Variants in USP13 observed in about 807,000 individuals in gnomAD.
The protein encoded by USP13 is ubiquitin carboxyl-terminal hydrolase 13.
USP13 carries 68 observed loss-of-function variants against 107.8 expected under a neutral mutation model. The observed-to-expected ratio is 0.63, with a 90% CI of 0.52 to 0.77. The LOEUF is 0.77. Among genes scored for constraint, USP13 ranks in the 30% least tolerant of loss-of-function variants. The pLI is 0.00. For synonymous variants in USP13, 377 were observed against 389.5 expected (o/e 0.97, Z 0.38); for missense variants, 945 against 1,093.3 (o/e 0.86, Z 1.91).
intron 3 of USP13, among the ~76,000 whole-genome samples, chr3:179,690,814 T>C (rs1712090528): frequency 6.6e-6 from 1 of 152,170 alleles, no homozygotes; most frequent in Non-Finnish European, 1.5e-5. Flanking sequence ...GCTCAAGCGA[T>C]CCAACTGCCT....
At chr3:179,675,174 C>CAA (rs749528708) in intron 1 of USP13, among the ~76,000 whole-genome samples, 1 of 128,772 alleles carries the variant, frequency 7.8e-6, no homozygotes, top group Non-Finnish European at 1.7e-5. Flanking sequence ...CACTCCATCT[C>CAA]AAAAAAAAAA....
chr3:179,658,562 A>T (rs1164087280), intron 1 of USP13, among the ~76,000 whole-genome samples: 1 of 152,216 alleles, frequency 6.6e-6, no homozygotes, highest in African/African-American at 2.4e-5. Context: ...ACAGAAGTGG[A>T]ATTATGAGCA....
intron 10 of USP13, among the ~76,000 whole-genome samples, chr3:179,733,795 G>A (rs1411147471): frequency 6.6e-6 from 1 of 152,188 alleles, no homozygotes; most frequent in Non-Finnish European, 1.5e-5. Flanking sequence ...TGCTTGCAAA[G>A]GGCCAGGCTC....
rs1416943181 is a variant in USP13, at chr3:179,754,749, C to T, written c.1816C>T (p.Pro606Ser). Reference sequence around the variant, plus strand: ...TTTTGCAGATGTTTCTATTGATATGCCAGACCTACTTGATATCAACCATCT... The same window carrying T: ...TTTTGCAGATGTTTCTATTGATATGTCAGACCTACTTGATATCAACCATCT... ...PKKFDVSIDM[P>S]DLLDINHLRA... Residue 606 changes from proline (P) to serine (S), a missense_variant, in exon 15 of 21, where the codon CCA (proline) becomes TCA (serine). Physicochemically the swap from Pro to Ser is moderately conservative, Grantham distance 74. Coordinates refer to ENST00000263966, the MANE Select transcript of USP13 (RefSeq NM_003940.3). The T allele has an allele frequency of 3.7e-6, 6 of 1,612,678 alleles. No individual in the cohort carries two copies. Among genetic ancestry groups the T allele is most frequent in the Non-Finnish European group, 4.2e-6 (5 of 1,179,504 alleles).
intron 1 of USP13, among the ~76,000 whole-genome samples, chr3:179,675,949 A>G (rs1720881085): frequency 1.3e-5 from 2 of 152,184 alleles, no homozygotes; most frequent in African/African-American, 4.8e-5. Context: ...CCCCACCCAA[A>G]TCTTATCTTT....
At chr3:179,769,947 T>G (rs1715294826) in intron 19 of USP13, among the ~76,000 whole-genome samples, 1 of 152,176 alleles carries the variant, frequency 6.6e-6, no homozygotes, top group Admixed American at 6.5e-5. Context: ...TTTTTAAGGT[T>G]TTAATGCAGA....
At chr3:179,753,543 A>G (rs1373708011) in intron 14 of USP13, among the ~76,000 whole-genome samples, 2 of 152,212 alleles carry the variant, frequency 1.3e-5, no homozygotes, top group African/African-American at 2.4e-5. Flanking sequence ...ATCATATTTC[A>G]TTGACTTGCT....
intron 3 of USP13, among the ~76,000 whole-genome samples, chr3:179,694,799 CAAAAAAAA>C (rs576517737): frequency 2.9e-3 from 236 of 82,160 alleles, no homozygotes; most frequent in African/African-American, 0.011. Context: ...AACTCCATCT[CAAAAAAAA>C]AAAAAAAAAA....
At chr3:179,728,158 C>A (rs1470407304) in intron 8 of USP13, among the ~76,000 whole-genome samples, 1 of 137,634 alleles carries the variant, frequency 7.3e-6, no homozygotes, top group Admixed American at 7.1e-5. Flanking sequence ...CGGGCAGAGG[C>A]GCCCCTCACC....
At chr3:179,674,358 G>A (rs1720833101) in intron 1 of USP13, among the ~76,000 whole-genome samples, 1 of 152,102 alleles carries the variant, frequency 6.6e-6, no homozygotes, top group Non-Finnish European at 1.5e-5. Context: ...TGTGCAGTGG[G>A]AACATGTGTC....
At chr3:179,756,402 C>G (rs1350015687) in intron 15 of USP13, among the ~76,000 whole-genome samples, 3 of 149,496 alleles carry the variant, frequency 2.0e-5, no homozygotes, top group African/African-American at 7.4e-5. Flanking sequence ...AGAGCGAGAC[C>G]CTGTCTCAAA....
At chr3:179,731,097 C>T (rs905321452) in intron 10 of USP13, among the ~76,000 whole-genome samples, 3 of 152,172 alleles carry the variant, frequency 2.0e-5, no homozygotes, top group African/African-American at 7.2e-5. Context: ...TAGAGTTTCT[C>T]AAGAGTCTGG....
intron 3 of USP13, among the ~76,000 whole-genome samples, chr3:179,695,478 A>G (rs992148829): frequency 3.3e-5 from 5 of 150,846 alleles, no homozygotes; most frequent in Non-Finnish European, 5.9e-5. Context: ...CTTTCCCTCC[A>G]TATTACTTTG....
chr3:179,681,977 A>G lies in USP13; in HGVS notation c.268A>G (p.Met90Val), dbSNP rs1711675891. Residue 90 changes from methionine (M) to valine (V), a missense_variant, in exon 2 of 21, where the codon ATG (methionine) becomes GTG (valine). Met to Val is a conservative substitution (Grantham distance 21). Coordinates refer to ENST00000263966, the MANE Select transcript of USP13 (RefSeq NM_003940.3). ...TCGAAAAACTGGACAGAGTGTATAC[A>G]TGCACCTGAAAAGACATGTGCGAGA... ...HFRKTGQSVY[M>V]HLKRHVREKV... 1.2e-6 allele frequency: 2 copies of G among 1,613,860 alleles called. No individual in the cohort carries two copies. Among genetic ancestry groups the G allele is most frequent in the Non-Finnish European group, 1.7e-6 (2 of 1,179,864 alleles).
intron 7 of USP13, 73 bp downstream of exon 7, chr3:179,720,107 A>G (rs1207128859): frequency 1.0e-5 from 11 of 1,100,060 alleles, no homozygotes; most frequent in Non-Finnish European, 1.2e-5. Flanking sequence ...GAACTGCTTG[A>G]TTTATTTAAT....
intron 3 of USP13, among the ~76,000 whole-genome samples, chr3:179,691,308 G>T (rs1348255820): frequency 1.3e-5 from 2 of 152,060 alleles, no homozygotes; most frequent in Admixed American, 6.5e-5. Context: ...GTTCCGCATT[G>T]TATTCAGTTG....
intron 6 of USP13, among the ~76,000 whole-genome samples, chr3:179,715,185 TTC>T (rs575998858): frequency 6.6e-6 from 1 of 150,954 alleles, no homozygotes; most frequent in Non-Finnish European, 1.5e-5. Flanking sequence ...CCTGGTCCTG[TTC>T]TCTCTCTCTA....
intron 1 of USP13, among the ~76,000 whole-genome samples, chr3:179,663,053 A>G (rs367546064): frequency 1.3e-5 from 2 of 152,224 alleles, no homozygotes; most frequent in East Asian, 3.8e-4. Flanking sequence ...GAGTACATTC[A>G]CACTGTTTTG....
chr3:179,707,929 G>A (rs144528641), intron 5 of USP13, among the ~76,000 whole-genome samples: 3 of 152,310 alleles, frequency 2.0e-5, no homozygotes, highest in Non-Finnish European at 4.4e-5. Context: ...GCTGAAAGGT[G>A]TTTATTAGAA....
Sources: allele counts gnomAD v4.1 joint callset (sites outside exome capture counted in the v4.1 genomes callset), GRCh38; gene constraint gnomAD v4.1.1; transcripts MANE v1.5; gene names NCBI Gene and HGNC (gene_info 2026-07-23, HGNC 2026-07-21).